AFAP1L2: variants seen among roughly 807,000 people sequenced by gnomAD.
The protein encoded by AFAP1L2 is actin filament associated protein 1 like 2.
A neutral mutation model predicts 99.3 loss-of-function variants in AFAP1L2; 46 were observed. That is an observed-to-expected ratio of 0.46 (90% confidence interval 0.37 to 0.59). The LOEUF is 0.59. Ranked by LOEUF, AFAP1L2 falls within the 20% of genes least tolerant of loss-of-function variation. The probability of loss-of-function intolerance (pLI) is 0.00; values close to 1 mark genes in which losing one functional copy is unlikely to be tolerated. For missense variants in AFAP1L2, 959 were observed against 1,034.9 expected (o/e 0.93, Z 1.01); for synonymous variants, 397 against 419.1 (o/e 0.95, Z 0.64).
upstream of AFAP1L2, among the ~76,000 whole-genome samples, chr10:114,404,945 G>A (rs1463712577): frequency 6.6e-6 from 1 of 152,200 alleles, no homozygotes; most frequent in African/African-American, 2.4e-5. Context: ...GACTGGCTTA[G>A]AGCTCCTCGC....
intron 12 of AFAP1L2, chr10:114,302,069 G>A (rs1276688510): frequency 4.5e-6 from 2 of 444,900 alleles, no homozygotes; most frequent in Non-Finnish European, 8.3e-6. Flanking sequence ...TGACAGCTCT[G>A]CCTGGAGGAG....
chr10:114,333,806 A>G (rs561248323), intron 2 of AFAP1L2, among the ~76,000 whole-genome samples: 7 of 152,318 alleles, frequency 4.6e-5, no homozygotes, highest in Non-Finnish European at 8.8e-5. Flanking sequence ...GTGCGACTCC[A>G]TCTTAAAAAG....
At position 114,329,568 on chromosome 10, in the gene AFAP1L2, G is replaced by A. The variant is rs114064041; in HGVS notation, c.315+2235C>T. 6.7e-3 allele frequency among the ~76,000 whole-genome samples: 1,021 copies of A among 152,240 alleles called. 10 individuals are homozygous for A. Among genetic ancestry groups the A allele is most frequent in the African/African-American group, 0.024 (980 of 41,534 alleles). On this transcript the variant is annotated intron_variant, in intron 4 of 18. Transcript: ENST00000304129. ...GATTTAGGATAGAAAAGTTCCAGCC[G>A]TGGCTCAGAACAGCCACCTTTCCAC... is the stretch of plus-strand genomic sequence containing the variant.
chr10:114,326,097 G>T, intron 4 of AFAP1L2: 1 of 1,246,602 alleles, frequency 8.0e-7, no homozygotes, highest in Non-Finnish European at 1.0e-6. Flanking sequence ...CTCCCCATGG[G>T]TCATCATCAC....
At chr10:114,312,825 AGATGGG>A in intron 7 of AFAP1L2, among the ~76,000 whole-genome samples, 1 of 152,212 alleles carries the variant, frequency 6.6e-6, no homozygotes, top group East Asian at 1.9e-4. Flanking sequence ...TTTGCAATAA[AGATGGG>A]GATACCTGTC....
At chr10:114,401,504 C>T (rs142058939) in intron 1 of AFAP1L2, among the ~76,000 whole-genome samples, 8 of 152,330 alleles carry the variant, frequency 5.3e-5, no homozygotes, top group Admixed American at 2.6e-4. Flanking sequence ...CTGACATTTG[C>T]GAGAGCCTTA....
In AFAP1L2 at chr10:114,319,634, C is replaced by T. The variant is rs568877964; in HGVS notation, c.406+3537G>A. ...CTGGGGACTCCAGTGGGGAGAAATC[C>T]GCCAGAGTGACCTGCATAACATCCA... On this transcript the variant is annotated intron_variant, in intron 5 of 18. Coordinates refer to ENST00000304129, the MANE Select transcript of AFAP1L2 (RefSeq NM_001001936.3). The T allele has an allele frequency of 6.7e-5, 86 of 1,289,592 alleles. 1 individual carries two copies. In the Admixed American group the frequency reaches 8.0e-4, roughly 12 times the overall value. 79.9% of individuals were successfully genotyped at this position (1,289,592 alleles called of 1,614,324 possible). A position where few individuals can be genotyped will look rare whatever the true frequency, so the allele number is the denominator to read the frequency against.
chr10:114,386,478 C>T (rs749857367), intron 1 of AFAP1L2, among the ~76,000 whole-genome samples: 7 of 152,192 alleles, frequency 4.6e-5, no homozygotes, highest in Admixed American at 4.6e-4. Context: ...GATTGTGATG[C>T]CCTGCTTAAT....
downstream of AFAP1L2, among the ~76,000 whole-genome samples, chr10:114,291,867 T>C (rs2039632956): frequency 6.6e-6 from 1 of 152,172 alleles, no homozygotes; most frequent in Non-Finnish European, 1.5e-5. Context: ...TGTGACCAAT[T>C]AACCAGCTTG....
chr10:114,283,174 G>A, the AFAP1L2 span, among the ~76,000 whole-genome samples: 2 of 152,206 alleles, frequency 1.3e-5, no homozygotes, highest in African/African-American at 4.8e-5. Flanking sequence ...CCTTCAATGT[G>A]TAGGTGTCAG....
Position 114,304,868 on chromosome 10 carries a change from G to T in AFAP1L2, c.1135C>A (p.His379Asn), listed in dbSNP as rs1320473143. ...KSRWCSVRDN[H>N]LHFYQDRNRS... Reference sequence around the variant, plus strand: ...TTCCGGTCCTGGTAGAAGTGCAGGTGATTGTCCCTGACAGAGCACCAGCGA... The same window carrying T: ...TTCCGGTCCTGGTAGAAGTGCAGGTTATTGTCCCTGACAGAGCACCAGCGA... The change falls in exon 11 of 19, where the codon CAC (histidine) becomes AAC (asparagine). Residue 379 changes from histidine to asparagine, a missense_variant. Around this residue, in one of 2 missense-constraint regions of AFAP1L2, gnomAD observed 576 missense variants for 562.1 expected, o/e 1.02. Coordinates refer to ENST00000304129, the MANE Select transcript of AFAP1L2 (RefSeq NM_001001936.3). 6.2e-7 allele frequency: 1 copy of T among 1,613,504 alleles called. No individual in the cohort carries two copies. Among genetic ancestry groups the T allele is most frequent in the Admixed American group, 1.7e-5 (1 of 60,030 alleles).
At chr10:114,329,634 A>G (rs1219884851) in intron 4 of AFAP1L2, among the ~76,000 whole-genome samples, 2 of 151,818 alleles carry the variant, frequency 1.3e-5, no homozygotes, top group Non-Finnish European at 2.9e-5. Flanking sequence ...ATACCAGAAA[A>G]CCTCTGGTTA....
At chr10:114,305,167 T>TGGGCTGCAGGAGGGGACG (rs2041956431) in intron 10 of AFAP1L2, 1 of 47,584 alleles carries the variant, frequency 2.1e-5, no homozygotes, top group Non-Finnish European at 3.7e-5. Context: ...AGGAGGGGAC[T>TGGGCTGCAGGAGGGGACG]GGGCTGCAGG....
At chr10:114,298,546 T>C (rs944537845) in intron 16 of AFAP1L2, among the ~76,000 whole-genome samples, 1 of 152,012 alleles carries the variant, frequency 6.6e-6, no homozygotes, top group African/African-American at 2.4e-5. Context: ...GGAAAGGTTC[T>C]AGAAGAGGCA....
intron 1 of AFAP1L2, among the ~76,000 whole-genome samples, chr10:114,348,002 C>T (rs1391194460): frequency 1.3e-5 from 2 of 152,202 alleles, no homozygotes; most frequent in South Asian, 2.1e-4. Flanking sequence ...TGCTGGCAAC[C>T]GCAAATCTGC....
chr10:114,340,880 G>C lies in AFAP1L2; in HGVS notation c.17-149C>G. 5 of 1,094,128 alleles carry C rather than the reference G, an allele frequency of 4.6e-6. No homozygotes were observed. The South Asian group carries it at 5.4e-5, about 12-fold the overall frequency. 67.8% of individuals were successfully genotyped at this position (1,094,128 alleles called of 1,614,324 possible). A position where few individuals can be genotyped will look rare whatever the true frequency, so the allele number is the denominator to read the frequency against. On this transcript the variant is annotated intron_variant, in intron 1 of 18. Coordinates refer to ENST00000304129, the MANE Select transcript of AFAP1L2 (RefSeq NM_001001936.3). Reference sequence around the variant, plus strand: ...TGTGAGGTCTGGCAGCGTATGGGGGGACTGGGCAGAAGATGGGATTCTCAG... The same window carrying C: ...TGTGAGGTCTGGCAGCGTATGGGGGCACTGGGCAGAAGATGGGATTCTCAG...
chr10:114,327,173 A>ATATATATATATATATATATATT, intron 4 of AFAP1L2, among the ~76,000 whole-genome samples: 1 of 18,700 alleles, frequency 5.3e-5, no homozygotes, highest in African/African-American at 1.1e-4. Context: ...ATATATATAT[A>ATATATATATATATATATATATT]TTTTTTTTTT....
chr10:114,345,876 G>A (rs1482715429), intron 1 of AFAP1L2, among the ~76,000 whole-genome samples: 1 of 147,816 alleles, frequency 6.8e-6, no homozygotes, highest in Non-Finnish European at 1.5e-5. Flanking sequence ...TGGTGGAGAT[G>A]CGGAAAGCCA....
intron 10 of AFAP1L2, among the ~76,000 whole-genome samples, chr10:114,307,143 G>A (rs1425980238): frequency 6.6e-6 from 1 of 152,116 alleles, no homozygotes; most frequent in Non-Finnish European, 1.5e-5. Context: ...CCCTGAGTAT[G>A]AGCTAAGGCT....
Sources: gnomAD v4.1 joint callset for allele counts (sites outside exome capture counted in the v4.1 genomes callset) on GRCh38, gnomAD v4.1.1 for gene constraint, gnomAD v4.1.1 regional missense constraint, MANE v1.5 for transcripts, NCBI Gene and HGNC (gene_info 2026-07-23, HGNC 2026-07-21) for gene names.